The following FAM114A1 variants were observed in gnomAD, a reference collection of about 807,000 sequenced individuals.
The protein encoded by FAM114A1 is protein NOXP20.
A neutral mutation model predicts 64.3 loss-of-function variants in FAM114A1; 62 were observed. The ratio of observed to expected loss-of-function variants is 0.96; its 90% CI spans 0.79 to 1.19. FAM114A1 has a LOEUF of 1.19. Among genes scored for constraint, FAM114A1 ranks in the 50% most tolerant of loss-of-function variants. FAM114A1 has a pLI of 0.00. For missense variants in FAM114A1, 645 were observed against 676.3 expected (o/e 0.95, Z 0.51); for synonymous variants, 254 against 251.1 (o/e 1.01, Z -0.11).
At chr4:38,901,587 C>T (rs1158452815) in intron 4 of FAM114A1, among the ~76,000 whole-genome samples, 1 of 152,156 alleles carries the variant, frequency 6.6e-6, no homozygotes, top group Non-Finnish European at 1.5e-5. Flanking sequence ...CCACCATGCC[C>T]GGTCCATCAT....
chr4:38,909,452 A>G (rs146173448), intron 7 of FAM114A1, among the ~76,000 whole-genome samples: 3 of 152,346 alleles, frequency 2.0e-5, no homozygotes, highest in East Asian at 3.9e-4. Context: ...CACTTCCAGC[A>G]CTAAAGTTTT....
chr4:38,908,624 G>C lies in FAM114A1; in HGVS notation c.690G>C (p.Ala230=). The C allele has an allele frequency of 1.2e-6, 2 of 1,613,284 alleles. No individual in the cohort carries two copies. The highest frequency in any genetic ancestry group is 1.7e-6 in the Non-Finnish European group (2 of 1,179,410). The change falls in exon 7 of 15, where the codon GCG becomes GCC. Residue 230 remains alanine (A), a synonymous_variant. Transcript: ENST00000358869. The stretch of plus-strand genomic sequence containing the variant: ...GTGTCTTAACTGGAGGCCTTGATGC[G>C]TTGGAATTCATCGGCAAGAAAACCA... ...GKSVLTGGLD[A]LEFIGKKTMN... is the part of the protein sequence containing the mutation.
At chr4:38,922,306 C>T (rs78899127) in intron 8 of FAM114A1, among the ~76,000 whole-genome samples, 15,220 of 152,188 alleles carry the variant, frequency 0.1, 1,076 homozygotes, top group Non-Finnish European at 0.16. Context: ...CTTCATTTAA[C>T]CCTCAAAACA....
At chr4:38,931,693 A>G (rs1413507488) in intron 11 of FAM114A1, 81 bp downstream of exon 11, 3 of 1,390,066 alleles carry the variant, frequency 2.2e-6, no homozygotes, top group Non-Finnish European at 2.9e-6. Context: ...AATTGAGGAG[A>G]GGCCATTTCT....
intron 14 of FAM114A1, among the ~76,000 whole-genome samples, chr4:38,942,218 C>T (rs1197983605): frequency 6.6e-6 from 1 of 152,162 alleles, no homozygotes; most frequent in African/African-American, 2.4e-5. Flanking sequence ...GGTGGTGACA[C>T]AGCCAAACCA....
At chr4:38,900,648 A>G (rs1261480947) in intron 4 of FAM114A1, among the ~76,000 whole-genome samples, 1 of 152,222 alleles carries the variant, frequency 6.6e-6, no homozygotes, top group Admixed American at 6.5e-5. Context: ...CCAGTCACAA[A>G]AAGACAAATA....
chr4:38,870,381 A>T (rs562780430), intron 2 of FAM114A1, among the ~76,000 whole-genome samples: 3 of 152,176 alleles, frequency 2.0e-5, no homozygotes, highest in African/African-American at 7.2e-5. Flanking sequence ...GCTGTTTTGC[A>T]TCACTTTTTA....
At chr4:38,925,696 C>T (rs1560325153) in intron 9 of FAM114A1, among the ~76,000 whole-genome samples, 1 of 152,114 alleles carries the variant, frequency 6.6e-6, no homozygotes, top group East Asian at 1.9e-4. Context: ...GCCATAGATC[C>T]CTTAATGTGA....
chr4:38,899,975 G>A (rs764747872), intron 4 of FAM114A1, among the ~76,000 whole-genome samples: 8 of 151,658 alleles, frequency 5.3e-5, no homozygotes, highest in Non-Finnish European at 8.8e-5. Flanking sequence ...TGCTTATTAC[G>A]TTACTGGAAT....
chr4:38,892,204 AT>A (rs1335422597), intron 4 of FAM114A1, among the ~76,000 whole-genome samples: 2 of 152,174 alleles, frequency 1.3e-5, no homozygotes, highest in Non-Finnish European at 2.9e-5. Context: ...TCCCACTTGA[AT>A]TTTTTTAGTG....
At chr4:38,870,971 G>T (rs6828160) in intron 2 of FAM114A1, among the ~76,000 whole-genome samples, 1 of 151,612 alleles carries the variant, frequency 6.6e-6, no homozygotes. Flanking sequence ...ATTTTTTTTC[G>T]TTTTGATTTG....
chr4:38,911,749 C>T (rs1162281815), intron 7 of FAM114A1, among the ~76,000 whole-genome samples: 6 of 151,286 alleles, frequency 4.0e-5, no homozygotes, highest in South Asian at 4.2e-4. Context: ...AAACTAGAAG[C>T]GTGCACGCGT....
At chr4:38,872,820 C>T (rs763194433) in intron 2 of FAM114A1, among the ~76,000 whole-genome samples, 6 of 152,176 alleles carry the variant, frequency 3.9e-5, no homozygotes, top group South Asian at 2.1e-4. Flanking sequence ...TATTGTAGTG[C>T]CAGAGAAACC....
chr4:38,934,701 G>T (rs1375367678), intron 12 of FAM114A1, among the ~76,000 whole-genome samples: 1 of 152,118 alleles, frequency 6.6e-6, no homozygotes, highest in Non-Finnish European at 1.5e-5. Flanking sequence ...TTAAATATTT[G>T]TGTGTATCTT....
At chr4:38,922,182 C>T (rs1357562808) in intron 8 of FAM114A1, among the ~76,000 whole-genome samples, 1 of 152,172 alleles carries the variant, frequency 6.6e-6, no homozygotes, top group Non-Finnish European at 1.5e-5. Context: ...CCTCGTGATC[C>T]GCCTGCCTCG....
Position 38,931,940 on chromosome 4 carries a change from C to T in FAM114A1, c.1324-295C>T, listed in dbSNP as rs372386531. On this transcript the variant is annotated intron_variant, in intron 11 of 14. Coordinates refer to ENST00000358869, the MANE Select transcript of FAM114A1 (RefSeq NM_138389.4). ...GGAAAAATATCCATTGAGCTCTGTT[C>T]ATTCAGCCGGCCTTCCACACACCTT... 1.2e-4 allele frequency among the ~76,000 whole-genome samples: 18 copies of T among 152,288 alleles called. No homozygotes were observed. In the East Asian group the frequency reaches 1.4e-3, roughly 11 times the overall value.
At chr4:38,905,192 T>G (rs1200036819) in intron 4 of FAM114A1, among the ~76,000 whole-genome samples, 1 of 150,454 alleles carries the variant, frequency 6.6e-6, no homozygotes, top group Non-Finnish European at 1.5e-5. Context: ...AGGTCAGGAG[T>G]TCAAGACAAG....
chr4:38,933,242 G>C (rs199617095), intron 12 of FAM114A1, among the ~76,000 whole-genome samples: 1 of 152,070 alleles, frequency 6.6e-6, no homozygotes, highest in South Asian at 2.1e-4. Flanking sequence ...GAGATTTAAG[G>C]GAAAACACAC....
intron 3 of FAM114A1, among the ~76,000 whole-genome samples, chr4:38,878,772 A>T (rs1305482250): frequency 6.6e-6 from 1 of 152,194 alleles, no homozygotes; most frequent in African/African-American, 2.4e-5. Flanking sequence ...AACCAGGCTC[A>T]GAGGTGGTAG....
Sources: allele counts gnomAD v4.1 joint callset (sites outside exome capture counted in the v4.1 genomes callset), GRCh38; gene constraint gnomAD v4.1.1; transcripts MANE v1.5; gene names NCBI Gene and HGNC (gene_info 2026-07-23, HGNC 2026-07-21).